The following TFCP2 variants were observed in gnomAD, a reference collection of about 807,000 sequenced individuals.
TFCP2 encodes transcription factor CP2, also known as alpha-globin transcription factor CP2.
Under a neutral mutation model 73.4 loss-of-function variants are expected in TFCP2, and 33 were observed. The observed-to-expected ratio is 0.45, with a 90% CI of 0.34 to 0.60. The LOEUF is 0.60. Among genes scored for constraint, TFCP2 ranks in the 20% least tolerant of loss-of-function variants. The pLI is 0.01. For missense variants in TFCP2, 352 were observed against 604.0 expected (o/e 0.58, Z 4.37); for synonymous variants, 193 against 211.6 (o/e 0.91, Z 0.76).
At chr12:51,164,612 A>AG (rs1202003623) in intron 1 of TFCP2, among the ~76,000 whole-genome samples, 2 of 151,840 alleles carry the variant, frequency 1.3e-5, no homozygotes, top group Non-Finnish European at 2.9e-5. Flanking sequence ...AAAAAAAAAA[A>AG]AAGTAATTAA....
intron 1 of TFCP2, among the ~76,000 whole-genome samples, chr12:51,171,292 A>C (rs1345020630): frequency 3.3e-5 from 5 of 152,224 alleles, no homozygotes; most frequent in Non-Finnish European, 7.3e-5. Flanking sequence ...TCTATAAATG[A>C]AATAAACTAT....
chr12:51,160,133 AT>A (rs372316760), intron 1 of TFCP2, among the ~76,000 whole-genome samples: 5,134 of 126,262 alleles, frequency 0.041, 167 homozygotes, highest in African/African-American at 0.13. Flanking sequence ...TCCTCTCTGA[AT>A]TTTTTTTTTT....
chr12:51,095,205 G>A lies in TFCP2; in HGVS notation c.*36C>T. 2 of 1,612,132 alleles carry A rather than the reference G, an allele frequency of 1.2e-6. No homozygotes were observed. Among genetic ancestry groups the A allele is most frequent in the South Asian group, 1.1e-5 (1 of 91,058 alleles). Reference sequence around the variant, plus strand: ...CAAGAGGGCCGTTTTCAGAGGTGAAGGAAGGAGCAGCCACTGGGCACGAAA... The same window carrying A: ...CAAGAGGGCCGTTTTCAGAGGTGAAAGAAGGAGCAGCCACTGGGCACGAAA... On this transcript the variant is annotated 3_prime_UTR_variant, in exon 15 of 15. Transcript: ENST00000257915.
chr12:51,106,767 A>G (rs1370575758), intron 7 of TFCP2, 154 bp from the exon 8 acceptor site: 1 of 635,760 alleles, frequency 1.6e-6, no homozygotes, highest in Non-Finnish European at 2.7e-6. Flanking sequence ...TCTTTCCGCC[A>G]TCTTGGAGCC....
At chr12:51,120,698 G>A (rs1940645232) in intron 1 of TFCP2, among the ~76,000 whole-genome samples, 3 of 152,038 alleles carry the variant, frequency 2.0e-5, no homozygotes, top group South Asian at 4.2e-4. Flanking sequence ...GGAGGCCAAG[G>A]CAGGCAGATC....
intron 1 of TFCP2, among the ~76,000 whole-genome samples, chr12:51,156,421 G>T (rs1217457037): frequency 6.6e-6 from 1 of 151,988 alleles, no homozygotes; most frequent in African/African-American, 2.4e-5. Context: ...TTACCATAGG[G>T]ACCACACCAA....
Position 51,104,217 on chromosome 12 carries a change from T to A in TFCP2, c.918-14A>T, listed in dbSNP as rs370836840. ...GGTGAACCATTTCTAAAGAAACATTTAAAATGAAAGGATGAGTCCATGACA... is the reference window on the plus strand; with the variant it reads ...GGTGAACCATTTCTAAAGAAACATTAAAAATGAAAGGATGAGTCCATGACA... On this transcript the variant is annotated splice_polypyrimidine_tract_variant and intron_variant, in intron 8 of 14. Coordinates refer to ENST00000257915, the MANE Select transcript of TFCP2 (RefSeq NM_005653.5). The A allele has an allele frequency of 6.2e-6, 10 of 1,612,688 alleles. No individual in the cohort carries two copies. In the African/African-American group the frequency reaches 8.0e-5, roughly 13 times the overall value.
At position 51,101,947 on chromosome 12, in the gene TFCP2, G is replaced by T; in HGVS notation, c.1139C>A (p.Ala380Glu). Residue 380 changes from alanine (A) to glutamate (E), a missense_variant, in exon 11 of 15, where the codon GCA becomes GAA. This residue lies in a region of TFCP2 where 194 missense variants were observed against 256.3 expected (regional missense o/e 0.76). Transcript: ENST00000257915. ...GPADGIRLFN[A>E]LKGRMVRPRL... ...ACTAATTACATACCGGCCTTTTAAT[G>T]CATTAAAAAGTCTGATTCCATCTGC... 6.2e-7 allele frequency: 1 copy of T among 1,608,390 alleles called. No individual in the cohort carries two copies. Among genetic ancestry groups the T allele is most frequent in the Non-Finnish European group, 8.5e-7 (1 of 1,175,170 alleles).
Position 51,109,194 on chromosome 12 carries a change from G to T in TFCP2, c.644C>A (p.Thr215Asn), listed in dbSNP as rs764709111. The T allele has an allele frequency of 1.2e-6, 2 of 1,614,116 alleles. No homozygotes were observed. Reference protein sequence around the residue: ...KGVPFRVQIDTFKENENGEYT... With the variant: ...KGVPFRVQIDNFKENENGEYT... ...TTCCCCGTTTTCATTCTCCTTGAAGGTATCTATTTGTACTCGGAATGGCAC... is the reference window on the plus strand; with the variant it reads ...TTCCCCGTTTTCATTCTCCTTGAAGTTATCTATTTGTACTCGGAATGGCAC... Residue 215 changes from threonine to asparagine, a missense_variant, in exon 6 of 15, where the codon ACC (threonine) becomes AAC (asparagine). Around this residue, in one of 6 missense-constraint regions of TFCP2, gnomAD observed 47 missense variants for 89.1 expected, o/e 0.53. Transcript: ENST00000257915.
rs1940952528 is a variant in TFCP2 at position 51,131,940 on chromosome 12, ATCTATTC to A, written c.123-13175_123-13169del. Among the ~76,000 whole-genome samples, 5 of 152,100 alleles carry A rather than the reference ATCTATTC, an allele frequency of 3.3e-5. No individual in the cohort carries two copies. The South Asian group carries it at 1.0e-3, about 32-fold the overall frequency. The stretch of plus-strand genomic sequence containing the variant: ...ATTTAAACACAAAGTTTATGACATC[ATCTATTC>A]TCTATTTTGTACTCACTTCTCCCTA... On this transcript the variant is annotated intron_variant, in intron 1 of 14. Transcript: ENST00000257915.
At chr12:51,154,840 C>T (rs2730653) in intron 1 of TFCP2, among the ~76,000 whole-genome samples, 140,518 of 152,240 alleles carry the variant, frequency 0.92, 65,151 homozygotes, top group Non-Finnish European at 0.97. Flanking sequence ...CTACTAAACC[C>T]CCACAAGTAG....
chr12:51,126,772 T>C (rs1940828087), intron 1 of TFCP2, among the ~76,000 whole-genome samples: 1 of 152,182 alleles, frequency 6.6e-6, no homozygotes. Context: ...ATCCCTGTGT[T>C]AGCTACAGCA....
intron 8 of TFCP2, 137 bp downstream of exon 8, chr12:51,106,388 T>C: frequency 1.7e-6 from 1 of 603,534 alleles, no homozygotes; most frequent in Non-Finnish European, 2.8e-6. Flanking sequence ...ACTCCAAATC[T>C]CAGTTAATAT....
chr12:51,101,870 G>A, intron 11 of TFCP2, 65 bp downstream of exon 11: 13 of 1,040,962 alleles, frequency 1.2e-5, no homozygotes, highest in Non-Finnish European at 2.0e-5. Context: ...GTATTGTGAA[G>A]AATTCCTGAA....
chr12:51,125,953 A>G (rs376477027), intron 1 of TFCP2, among the ~76,000 whole-genome samples: 61 of 151,574 alleles, frequency 4.0e-4, no homozygotes, highest in African/African-American at 1.2e-3. Flanking sequence ...AAAATTGGCC[A>G]GGCACGGTGG....
chr12:51,105,526 C>A (rs1940214256), intron 8 of TFCP2, among the ~76,000 whole-genome samples: 1 of 152,094 alleles, frequency 6.6e-6, no homozygotes, highest in African/African-American at 2.4e-5. Flanking sequence ...GCTCTTAAAC[C>A]CTATATCATA....
At chr12:51,103,613 C>G in intron 10 of TFCP2, 57 bp downstream of exon 10, 1 of 1,428,772 alleles carries the variant, frequency 7.0e-7, no homozygotes, top group Admixed American at 1.8e-5. Flanking sequence ...CCAGGAGGCC[C>G]TAGAATGCAA....
intron 13 of TFCP2, among the ~76,000 whole-genome samples, 164 bp from the exon 14 acceptor site, chr12:51,096,204 T>C (rs572773172): frequency 2.6e-5 from 4 of 152,272 alleles, no homozygotes; most frequent in African/African-American, 9.6e-5. Flanking sequence ...AGTTTTTTCC[T>C]CCCCTCCCAT....
Position 51,145,567 on chromosome 12 carries a change from CAAAAAAAAAAAA to C in TFCP2, c.122+26722_122+26733del, listed in dbSNP as rs59778550. On this transcript the variant is annotated intron_variant, in intron 1 of 14. Transcript: ENST00000257915. The stretch of plus-strand genomic sequence containing the variant: ...CCTGGGTGATGGAGTAAGACTATCT[CAAAAAAAAAAAA>C]AAAAAAAAAAAAAAGATTTTCTTAG... Among the ~76,000 whole-genome samples, 277 of 49,202 alleles carry C rather than the reference CAAAAAAAAAAAA, an allele frequency of 5.6e-3. 6 individuals carry two copies. The highest frequency in any genetic ancestry group is 0.022 in the African/African-American group (269 of 11,980). The allele number at this position is 49,202 out of a possible 152,430, so 32.3% of individuals were successfully genotyped here. A position where few individuals can be genotyped will look rare whatever the true frequency, so the allele number is the denominator to read the frequency against.
Sources: gnomAD v4.1 joint callset for allele counts (sites outside exome capture counted in the v4.1 genomes callset) on GRCh38, gnomAD v4.1.1 for gene constraint, gnomAD v4.1.1 regional missense constraint, MANE v1.5 for transcripts, NCBI Gene and HGNC (gene_info 2026-07-23, HGNC 2026-07-21) for gene names.